The following ASIC2 variants were observed in gnomAD, a reference collection of about 807,000 sequenced individuals.
ASIC2 encodes the protein acid sensing ion channel subunit 2.
In ASIC2, 25 loss-of-function variants were observed where a neutral mutation model predicts 57.3. The ratio of observed to expected loss-of-function variants is 0.44; its 90% CI spans 0.32 to 0.61. The LOEUF is 0.61. Ranked by LOEUF, ASIC2 falls within the 20% of genes least tolerant of loss-of-function variation. ASIC2 has a pLI of 0.06. For synonymous variants in ASIC2, 319 were observed against 307.5 expected, an observed-to-expected ratio of 1.04 and a Z score of -0.39; for missense variants, 641 against 738.1, an observed-to-expected ratio of 0.87 and a Z score of 1.52.
intron 1 of ASIC2, among the ~76,000 whole-genome samples, chr17:33,775,385 C>T (rs1383785000): frequency 6.6e-6 from 1 of 152,180 alleles, no homozygotes; most frequent in Middle Eastern, 3.2e-3. Flanking sequence ...TGGGCTGACA[C>T]TCTGGGAGTA....
At chr17:34,050,770 A>T (rs1025700460) in intron 1 of ASIC2, among the ~76,000 whole-genome samples, 13 of 152,204 alleles carry the variant, frequency 8.5e-5, no homozygotes, top group Non-Finnish European at 1.3e-4. Flanking sequence ...GCAGAGCAAA[A>T]GATGATAAAT....
intron 1 of ASIC2, among the ~76,000 whole-genome samples, chr17:33,490,080 C>A (rs1415857769): frequency 1.3e-5 from 2 of 152,216 alleles, no homozygotes; most frequent in African/African-American, 2.4e-5. Flanking sequence ...CCAAATCCAG[C>A]CTACTACCTG....
intron 1 of ASIC2, among the ~76,000 whole-genome samples, chr17:33,138,654 C>T (rs1191888232): frequency 6.6e-6 from 1 of 152,222 alleles, no homozygotes; most frequent in Admixed American, 6.5e-5. Context: ...GAAGCCCTCC[C>T]TTCACCTTTC....
intron 1 of ASIC2, among the ~76,000 whole-genome samples, chr17:34,130,102 G>A (rs907229587): frequency 6.6e-6 from 1 of 152,202 alleles, no homozygotes; most frequent in Non-Finnish European, 1.5e-5. Flanking sequence ...GTGGGGTTTA[G>A]GAGTTAATAT....
intron 1 of ASIC2, among the ~76,000 whole-genome samples, chr17:33,469,320 C>G (rs929109369): frequency 1.8e-4 from 28 of 152,138 alleles, no homozygotes; most frequent in Admixed American, 1.8e-3. Flanking sequence ...CCAGGCCAAC[C>G]CAAGGGCAGA....
At chr17:33,613,148 G>A (rs2142016656) in intron 1 of ASIC2, among the ~76,000 whole-genome samples, 1 of 152,178 alleles carries the variant, frequency 6.6e-6, no homozygotes, top group South Asian at 2.1e-4. Context: ...TATAGAGATA[G>A]AAAACCAACA....
At chr17:33,044,242 C>T (rs1334211461) in intron 3 of ASIC2, among the ~76,000 whole-genome samples, 1 of 150,210 alleles carries the variant, frequency 6.7e-6, no homozygotes, top group East Asian at 2.0e-4. Context: ...CATTATCTGT[C>T]CATCTGTTCA....
intron 1 of ASIC2, among the ~76,000 whole-genome samples, chr17:33,809,246 C>T (rs554462438): frequency 5.9e-5 from 9 of 152,294 alleles, no homozygotes; most frequent in Non-Finnish European, 7.3e-5. Context: ...GTCACTGGGG[C>T]CTTCATCTCA....
intron 1 of ASIC2, among the ~76,000 whole-genome samples, chr17:33,390,328 A>C (rs1053049921): frequency 2.6e-5 from 4 of 152,118 alleles, no homozygotes; most frequent in African/African-American, 9.7e-5. Flanking sequence ...CTCAAAAAAA[A>C]AGAAGCCCCT....
intron 1 of ASIC2, among the ~76,000 whole-genome samples, chr17:33,880,072 A>G (rs1390028076): frequency 2.0e-5 from 3 of 152,222 alleles, no homozygotes; most frequent in Non-Finnish European, 2.9e-5. Context: ...ACAAAGACAC[A>G]ACATACCAGA....
intron 1 of ASIC2, among the ~76,000 whole-genome samples, chr17:33,353,842 C>A (rs1908274181): frequency 6.6e-6 from 1 of 152,118 alleles, no homozygotes. Context: ...TCTGACCAAG[C>A]ACAGGGTCTC....
chr17:33,973,614 G>A (rs1174310420), intron 1 of ASIC2, among the ~76,000 whole-genome samples: 1 of 152,162 alleles, frequency 6.6e-6, no homozygotes, highest in Non-Finnish European at 1.5e-5. Flanking sequence ...ACTCTGGGGT[G>A]TATTTGACTT....
At chr17:33,037,130 CAAAA>C (rs35845015) in intron 3 of ASIC2, among the ~76,000 whole-genome samples, 39 of 125,560 alleles carry the variant, frequency 3.1e-4, no homozygotes, top group African/African-American at 4.2e-4. Context: ...GGTGTGGTAG[CAAAA>C]AAAAAAAAAA....
At chr17:33,982,639 G>A (rs549488575) in intron 1 of ASIC2, among the ~76,000 whole-genome samples, 1 of 152,252 alleles carries the variant, frequency 6.6e-6, no homozygotes, top group African/African-American at 2.4e-5. Context: ...CTTTGCATAG[G>A]TCGTTTCCTA....
At chr17:33,935,887 G>GT (rs1453286734) in intron 1 of ASIC2, 1 of 152,200 alleles carries the variant, frequency 6.6e-6, no homozygotes, top group Non-Finnish European at 1.5e-5. Context: ...TGACCTTTCA[G>GT]TATCAACTCA....
intron 1 of ASIC2, among the ~76,000 whole-genome samples, chr17:34,098,285 T>C (rs564704771): frequency 1.3e-5 from 2 of 152,314 alleles, no homozygotes; most frequent in South Asian, 4.1e-4. Flanking sequence ...ATAAGGCACC[T>C]ACTGACTTAA....
At chr17:33,143,673 A>AGGCTAGCAACTGCCTAGCAATG (rs1904423055) in intron 1 of ASIC2, among the ~76,000 whole-genome samples, 1 of 152,220 alleles carries the variant, frequency 6.6e-6, no homozygotes, top group Admixed American at 6.5e-5. Context: ...GCCTAGCAAC[A>AGGCTAGCAACTGCCTAGCAATG]GAAAAAATAG....
intron 1 of ASIC2, among the ~76,000 whole-genome samples, chr17:34,067,244 GGTAA>G (rs974405922): frequency 2.6e-5 from 4 of 152,144 alleles, no homozygotes; most frequent in African/African-American, 9.7e-5. Flanking sequence ...CCTTTGTAGT[GGTAA>G]GTGTTTACAC....
intron 1 of ASIC2, among the ~76,000 whole-genome samples, chr17:33,719,038 A>T (rs1383146090): frequency 6.6e-6 from 1 of 152,146 alleles, no homozygotes; most frequent in Non-Finnish European, 1.5e-5. Context: ...AGCAGTGCAA[A>T]GCCTTGACTC....
Sources: allele counts gnomAD v4.1 joint callset (sites outside exome capture counted in the v4.1 genomes callset), GRCh38; gene constraint gnomAD v4.1.1; transcripts MANE v1.5; gene names NCBI Gene and HGNC (gene_info 2026-07-23, HGNC 2026-07-21).